The following STAC variants were observed in gnomAD, a reference collection of about 807,000 sequenced individuals.
STAC encodes the protein SH3 and cysteine rich domain.
Under a neutral mutation model 48.8 loss-of-function variants are expected in STAC, and 43 were observed. The observed-to-expected ratio is 0.88, with a 90% CI of 0.69 to 1.14. The LOEUF is 1.14. STAC is among the 50% of genes most tolerant of loss of function. The pLI is 0.00. For synonymous variants in STAC, 193 were observed against 179.5 expected (o/e 1.07, Z -0.60); for missense variants, 497 against 504.0 (o/e 0.99, Z 0.13).
chr3:36,436,852 A>G (rs1172567353), intron 1 of STAC, among the ~76,000 whole-genome samples: 1 of 152,106 alleles, frequency 6.6e-6, no homozygotes, highest in African/African-American at 2.4e-5. Context: ...TACAAAATGG[A>G]AGAAAATTTC....
chr3:36,385,009 G>A (rs928511832), intron 1 of STAC, among the ~76,000 whole-genome samples: 18 of 152,080 alleles, frequency 1.2e-4, no homozygotes, highest in Admixed American at 8.5e-4. Context: ...GAAAGAAAAC[G>A]AAACCTTGGC....
At chr3:36,428,544 A>G (rs974934161) in intron 1 of STAC, among the ~76,000 whole-genome samples, 2 of 152,226 alleles carry the variant, frequency 1.3e-5, no homozygotes, top group African/African-American at 2.4e-5. Context: ...TCAAATAGTA[A>G]TAAGTGCTCT....
intron 8 of STAC, among the ~76,000 whole-genome samples, chr3:36,508,534 A>T (rs575509933): frequency 6.6e-6 from 1 of 152,252 alleles, no homozygotes; most frequent in Non-Finnish European, 1.5e-5. Flanking sequence ...AAAGTCTCCC[A>T]CTATTATTGT....
intron 2 of STAC, among the ~76,000 whole-genome samples, chr3:36,447,737 C>G (rs1037211472): frequency 6.6e-6 from 1 of 152,052 alleles, no homozygotes; most frequent in Non-Finnish European, 1.5e-5. Context: ...GTGAAGTTGT[C>G]TCTTGGCAAG....
chr3:36,471,732 T>C (rs1697341520), intron 2 of STAC, among the ~76,000 whole-genome samples: 1 of 152,222 alleles, frequency 6.6e-6, no homozygotes, highest in African/African-American at 2.4e-5. Flanking sequence ...AAGTCTCATA[T>C]CCAGGCCATG....
intron 2 of STAC, among the ~76,000 whole-genome samples, chr3:36,452,857 CCGAAGGCCTGTGGGGCCTCCTT>C (rs1198083479): frequency 6.6e-6 from 1 of 152,202 alleles, no homozygotes. Context: ...CCACTATAAG[CCGAAGGCCTGTGGGGCCTCCTT>C]CCATGACTGA....
intron 5 of STAC, among the ~76,000 whole-genome samples, chr3:36,488,677 T>C (rs913382635): frequency 2.6e-5 from 4 of 152,186 alleles, no homozygotes; most frequent in Non-Finnish European, 5.9e-5. Flanking sequence ...TTAGGTCCTA[T>C]AATTCAAAAC....
intron 1 of STAC, among the ~76,000 whole-genome samples, chr3:36,435,661 G>A (rs1276527291): frequency 6.6e-6 from 1 of 152,070 alleles, no homozygotes; most frequent in Non-Finnish European, 1.5e-5. Flanking sequence ...GTCCTCTCCT[G>A]AAACCTCCTC....
At chr3:36,540,761 C>T (rs1034959540) in intron 10 of STAC, among the ~76,000 whole-genome samples, 6 of 152,034 alleles carry the variant, frequency 3.9e-5, no homozygotes, top group Non-Finnish European at 7.4e-5. Flanking sequence ...GGAATAGAGC[C>T]CTTTTGACTC....
At chr3:36,435,431 G>A (rs1010906960) in intron 1 of STAC, among the ~76,000 whole-genome samples, 7 of 151,982 alleles carry the variant, frequency 4.6e-5, no homozygotes, top group African/African-American at 7.3e-5. Context: ...AACTACCCAC[G>A]GACATGGCTC....
At chr3:36,444,548 T>G (rs1184138351) in intron 2 of STAC, among the ~76,000 whole-genome samples, 1 of 152,196 alleles carries the variant, frequency 6.6e-6, no homozygotes, top group East Asian at 1.9e-4. Flanking sequence ...CAAAGCCTCT[T>G]AAGGCCTTGG....
intron 1 of STAC, among the ~76,000 whole-genome samples, chr3:36,412,813 C>T (rs1486484865): frequency 1.3e-5 from 2 of 152,064 alleles, no homozygotes; most frequent in African/African-American, 4.8e-5. Context: ...TATGGTTTTG[C>T]AGTATGTCTT....
At chr3:36,535,372 T>C (rs1699174356) in intron 10 of STAC, among the ~76,000 whole-genome samples, 1 of 152,166 alleles carries the variant, frequency 6.6e-6, no homozygotes, top group South Asian at 2.1e-4. Flanking sequence ...AAGCTTGGGC[T>C]GAGATGATGG....
At position 36,546,272 on chromosome 3, in the gene STAC, G is replaced by T; in HGVS notation, c.1192G>T (p.Val398Leu). The part of the protein sequence containing the change: ...GKKKGLIPLD[V>L]LENI ...AAAGAAAGGCCTCATCCCCCTTGATGTACTAGAAAACATCTGATTGCTGGC... is the reference window on the plus strand; with the variant it reads ...AAAGAAAGGCCTCATCCCCCTTGATTTACTAGAAAACATCTGATTGCTGGC... The change falls in exon 11 of 11, where the codon GTA becomes TTA. Residue 398 changes from valine to leucine, a missense_variant. Physicochemically the swap from Val to Leu is conservative, Grantham distance 32. Transcript: ENST00000273183. 1 of 1,613,996 alleles carries T rather than the reference G, an allele frequency of 6.2e-7. No individual in the cohort carries two copies. The highest frequency in any genetic ancestry group is 8.5e-7 in the Non-Finnish European group (1 of 1,179,882).
intron 8 of STAC, 87 bp from the exon 9 acceptor site, chr3:36,528,609 G>A (rs1698991358): frequency 9.3e-7 from 1 of 1,079,286 alleles, no homozygotes; most frequent in East Asian, 2.6e-5. Context: ...GACTATTTGT[G>A]TAAATGAGAA....
intron 2 of STAC, among the ~76,000 whole-genome samples, chr3:36,446,568 C>T (rs1295966023): frequency 1.3e-5 from 2 of 152,182 alleles, no homozygotes; most frequent in Non-Finnish European, 2.9e-5. Context: ...TAACTGTCTA[C>T]AATGACTCAT....
intron 8 of STAC, among the ~76,000 whole-genome samples, chr3:36,521,635 T>C (rs1698809656): frequency 6.6e-6 from 1 of 152,138 alleles, no homozygotes; most frequent in African/African-American, 2.4e-5. Context: ...GCCACTGAAG[T>C]CAAGGCTATT....
At chr3:36,476,698 T>C (rs566770804) in intron 2 of STAC, among the ~76,000 whole-genome samples, 39 of 152,368 alleles carry the variant, frequency 2.6e-4, no homozygotes, top group African/African-American at 7.9e-4. Context: ...ACCAGTTTTG[T>C]TATAGCCTTT....
intron 1 of STAC, among the ~76,000 whole-genome samples, chr3:36,430,479 C>G (rs1019005621): frequency 1.7e-4 from 26 of 152,248 alleles, no homozygotes; most frequent in African/African-American, 6.0e-4. Context: ...ACAAGACAAT[C>G]TGCCCAGGTT....
Sources: gnomAD v4.1 joint callset for allele counts (sites outside exome capture counted in the v4.1 genomes callset) on GRCh38, gnomAD v4.1.1 for gene constraint, MANE v1.5 for transcripts, NCBI Gene and HGNC (gene_info 2026-07-23, HGNC 2026-07-21) for gene names.